WDR27: variants seen among roughly 807,000 people sequenced by gnomAD.
The protein encoded by WDR27 is WD repeat-containing protein 27.
In WDR27, 100 loss-of-function variants were observed where a neutral mutation model predicts 114.4. The ratio of observed to expected loss-of-function variants is 0.87; its 90% CI spans 0.74 to 1.03. The LOEUF (loss-of-function observed/expected upper bound fraction) is 1.03, where lower values mean the gene tolerates loss of function less well. Among genes scored for constraint, WDR27 ranks in the 50% least tolerant of loss-of-function variants. The pLI, the probability that WDR27 is intolerant of heterozygous loss-of-function variation, is 0.00. For missense variants in WDR27, 1,129 were observed against 1,092.9 expected, an observed-to-expected ratio of 1.03 and a Z score of -0.47; for synonymous variants, 449 against 423.1, an observed-to-expected ratio of 1.06 and a Z score of -0.75.
At chr6:169,696,602 GACCCCTT>G (rs1176172490) in intron 1 of WDR27, among the ~76,000 whole-genome samples, 1 of 152,178 alleles carries the variant, frequency 6.6e-6, no homozygotes, top group African/African-American at 2.4e-5. Context: ...TGAAGCACAG[GACCCCTT>G]CATGTCTTAA....
At chr6:169,626,918 C>T (rs75940514) in intron 21 of WDR27, among the ~76,000 whole-genome samples, 2,591 of 152,314 alleles carry the variant, frequency 0.017, 70 homozygotes, top group African/African-American at 0.06. Flanking sequence ...CCTGTGTCTC[C>T]GAGGAGCTGA....
At chr6:169,517,892 T>C (rs1375224870) in intron 25 of WDR27, among the ~76,000 whole-genome samples, 1 of 152,244 alleles carries the variant, frequency 6.6e-6, no homozygotes, top group Non-Finnish European at 1.5e-5. Flanking sequence ...ATTGTCTCTC[T>C]GTCTTTTGGC....
the WDR27 span, among the ~76,000 whole-genome samples, chr6:169,428,090 A>T: frequency 5.3e-5 from 8 of 152,168 alleles, no homozygotes; most frequent in African/African-American, 1.9e-4. Flanking sequence ...GGGCTGAGTC[A>T]TCACTCCCAT....
At chr6:169,633,518 G>A (rs1816938436) in intron 20 of WDR27, among the ~76,000 whole-genome samples, 1 of 152,224 alleles carries the variant, frequency 6.6e-6, no homozygotes, top group Non-Finnish European at 1.5e-5. Context: ...AACCCAGACA[G>A]TGCCATGTCG....
chr6:169,595,877 T>A (rs914821701), intron 23 of WDR27, among the ~76,000 whole-genome samples: 9 of 151,760 alleles, frequency 5.9e-5, no homozygotes, highest in African/African-American at 1.7e-4. Flanking sequence ...CAAAAAAAAA[T>A]TTAGCTGGAT....
chr6:169,528,000 T>C (rs1795143179), intron 25 of WDR27, among the ~76,000 whole-genome samples: 1 of 152,170 alleles, frequency 6.6e-6, no homozygotes, highest in African/African-American at 2.4e-5. Context: ...AAATGATTCC[T>C]AACTGGGTAC....
chr6:169,577,324 G>A (rs1467904308), intron 24 of WDR27, among the ~76,000 whole-genome samples: 1 of 138,052 alleles, frequency 7.2e-6, no homozygotes, highest in Admixed American at 7.1e-5. Context: ...CGTCCGCGCC[G>A]AGCCAGGAAT....
chr6:169,577,319 G>A (rs1390505138), intron 24 of WDR27, among the ~76,000 whole-genome samples: 1 of 152,080 alleles, frequency 6.6e-6, no homozygotes, highest in African/African-American at 2.4e-5. Flanking sequence ...GGGGGCGTCC[G>A]CGCCGAGCCA....
intron 2 of WDR27, among the ~76,000 whole-genome samples, chr6:169,679,368 G>C (rs1029725328): frequency 8.5e-5 from 13 of 152,216 alleles, no homozygotes; most frequent in Middle Eastern, 6.8e-3. Context: ...GGGACTGTTG[G>C]AAAGACATGA....
intron 21 of WDR27, among the ~76,000 whole-genome samples, chr6:169,625,315 A>G (rs1005325366): frequency 2.6e-5 from 4 of 152,216 alleles, no homozygotes; most frequent in Admixed American, 2.0e-4. Flanking sequence ...CACAGGAGAG[A>G]GGATTAATTC....
Position 169,646,947 on chromosome 6 carries a change from C to T in WDR27, c.1657+826G>A, listed in dbSNP as rs192272338. ...ATATAATAAAATAAAGGGAATTTAG[C>T]GGAGTGGTACATGGTAACCCTTAGG... On this transcript the variant is annotated intron_variant, in intron 16 of 25. Transcript: ENST00000448612. 3.2e-4 allele frequency among the ~76,000 whole-genome samples: 48 copies of T among 152,222 alleles called. 1 individual carries two copies. Among genetic ancestry groups the T allele is most frequent in the East Asian group, 9.7e-4 (5 of 5,168 alleles).
Position 169,659,316 on chromosome 6 carries a change from A to G in WDR27, c.1198-109T>C. 1 of 1,556,744 alleles carries G rather than the reference A, an allele frequency of 6.4e-7. No homozygotes were observed. On this transcript the variant is annotated intron_variant, in intron 11 of 25. Coordinates refer to ENST00000448612, the MANE Select transcript of WDR27 (RefSeq NM_182552.5). This position sits in a 1 kb window ranked among gnomAD's most constrained non-coding sequence, Gnocchi z 4.3. ...GCTGCTTCATTCTCATAGCAGCGACATCGCCCTGTCACTCCTAAAACGTTT... is the reference window on the plus strand; with the variant it reads ...GCTGCTTCATTCTCATAGCAGCGACGTCGCCCTGTCACTCCTAAAACGTTT...
intron 15 of WDR27, among the ~76,000 whole-genome samples, chr6:169,648,731 T>C (rs1821459899): frequency 6.6e-6 from 1 of 152,220 alleles, no homozygotes; most frequent in Non-Finnish European, 1.5e-5. Flanking sequence ...CCCCAAGCTC[T>C]TCCCTGTCCA....
intron 21 of WDR27, among the ~76,000 whole-genome samples, chr6:169,617,948 A>C (rs1812257391): frequency 6.6e-6 from 1 of 152,082 alleles, no homozygotes; most frequent in Non-Finnish European, 1.5e-5. Context: ...TAAAAGGAAA[A>C]CCTTAGGGAG....
intron 25 of WDR27, among the ~76,000 whole-genome samples, chr6:169,507,972 T>G (rs1792231604): frequency 6.6e-6 from 1 of 152,234 alleles, no homozygotes; most frequent in Admixed American, 6.5e-5. Context: ...TGGTTTATTT[T>G]AAATCTTCAT....
chr6:169,607,555 T>C (rs1350374732), intron 22 of WDR27, among the ~76,000 whole-genome samples: 1 of 152,218 alleles, frequency 6.6e-6, no homozygotes, highest in African/African-American at 2.4e-5. Context: ...TGTTCCCACC[T>C]ATGTGTGGCA....
chr6:169,623,613 C>T (rs548819571), intron 21 of WDR27, among the ~76,000 whole-genome samples: 1 of 152,246 alleles, frequency 6.6e-6, no homozygotes, highest in South Asian at 2.1e-4. Flanking sequence ...AGCCAGGGTG[C>T]CCAAGAGAGC....
intron 24 of WDR27, among the ~76,000 whole-genome samples, chr6:169,574,215 C>G (rs540487557): frequency 6.6e-6 from 1 of 152,358 alleles, no homozygotes; most frequent in East Asian, 1.9e-4. Flanking sequence ...CAGTTCCTTA[C>G]TCATTTTGAG....
intron 25 of WDR27, among the ~76,000 whole-genome samples, chr6:169,530,106 G>C (rs1291985224): frequency 6.6e-6 from 1 of 152,208 alleles, no homozygotes; most frequent in East Asian, 1.9e-4. Flanking sequence ...ACAGCAATGA[G>C]TGTTTGCAGA....
Sources: gnomAD v4.1 joint callset for allele counts (sites outside exome capture counted in the v4.1 genomes callset) on GRCh38, gnomAD v4.1.1 for gene constraint, Gnocchi (gnomAD v3.1) non-coding constraint, MANE v1.5 for transcripts, NCBI Gene and HGNC (gene_info 2026-07-23, HGNC 2026-07-21) for gene names.